The following OR2L3 variants were observed in gnomAD, a reference collection of about 807,000 sequenced individuals.
OR2L3 encodes olfactory receptor 2L3.
For synonymous variants in OR2L3, 131 were observed against 139.1 expected (o/e 0.94, Z 0.41); for missense variants, 369 against 376.6 (o/e 0.98, Z 0.17).
rs1383127028 is a variant in OR2L3 at position 248,061,720 on chromosome 1, A to G, written c.*100A>G. The G allele has an allele frequency of 3.6e-6, 4 of 1,124,422 alleles. No individual in the cohort carries two copies. In the African/African-American group the frequency reaches 6.3e-5, roughly 18 times the overall value. The allele number at this position is 1,124,422 out of a possible 1,614,324, so 69.7% of individuals were successfully genotyped here. A position where few individuals can be genotyped will look rare whatever the true frequency, so the allele number is the denominator to read the frequency against. On this transcript the variant is annotated 3_prime_UTR_variant, in exon 2 of 2. Transcript: ENST00000359959. ...TCAATCCTAGAGTTCAGGAGCTAAA[A>G]GTAATCAAGGTAAGAGAAAAAAATC...
chr1:248,052,751 TTGTA>T (rs2103113920), intron 1 of OR2L3, among the ~76,000 whole-genome samples: 1 of 151,978 alleles, frequency 6.6e-6, no homozygotes, highest in South Asian at 2.1e-4. Flanking sequence ...AAAAATCAGA[TTGTA>T]TGAGTCTTTA....
rs751080638 is a variant in OR2L3 at position 248,061,529 on chromosome 1, T to C, written c.848T>C (p.Met283Thr). The C allele has an allele frequency of 6.2e-6, 10 of 1,613,724 alleles. 1 individual carries two copies. In the Admixed American group the frequency reaches 8.3e-5, roughly 13 times the overall value. Reference protein sequence around the residue: ...LAVFYTTLTPMLNPIIYSLRN... With the variant: ...LAVFYTTLTPTLNPIIYSLRN... The stretch of plus-strand genomic sequence containing the variant: ...GTCTTCTACACCACCCTCACTCCAA[T>C]GCTCAACCCCATCATCTATAGCCTG... Residue 283 changes from methionine (M) to threonine (T), a missense_variant, in exon 2 of 2, where the codon ATG becomes ACG. Transcript: ENST00000359959.
intron 1 of OR2L3, among the ~76,000 whole-genome samples, chr1:248,053,505 T>C (rs1260914125): frequency 6.6e-6 from 1 of 152,216 alleles, no homozygotes; most frequent in East Asian, 1.9e-4. Context: ...GTATTTCCAG[T>C]TCTAAGTCTT....
intron 1 of OR2L3, among the ~76,000 whole-genome samples, chr1:248,057,958 A>C (rs932955430): frequency 6.6e-6 from 1 of 152,112 alleles, no homozygotes; most frequent in Non-Finnish European, 1.5e-5. Flanking sequence ...GATAATTTTT[A>C]TTTCTTTTCT....
intron 1 of OR2L3, chr1:248,051,109 A>G (rs1246717464): frequency 1.3e-5 from 2 of 152,160 alleles, no homozygotes; most frequent in African/African-American, 2.4e-5. Context: ...CTGTCTCCAA[A>G]ACAATTTCAT....
intron 1 of OR2L3, among the ~76,000 whole-genome samples, chr1:248,053,102 C>T (rs202176602): frequency 1.3e-5 from 2 of 152,066 alleles, no homozygotes; most frequent in African/African-American, 2.4e-5. Flanking sequence ...AATGCTCTCC[C>T]CTCCACCGCC....
chr1:248,048,924 T>TCTC (rs937474674), intron 1 of OR2L3, among the ~76,000 whole-genome samples: 11 of 85,396 alleles, frequency 1.3e-4, no homozygotes, highest in African/African-American at 7.7e-4. Context: ...TCTCTCTCTC[T>TCTC]TTTTTTTTTT....
chr1:248,055,217 T>C (rs1422264877), intron 1 of OR2L3, among the ~76,000 whole-genome samples: 1 of 152,180 alleles, frequency 6.6e-6, no homozygotes, highest in Non-Finnish European at 1.5e-5. Flanking sequence ...TTGTCTTTAG[T>C]TCTGTTTATG....
At chr1:248,051,383 G>T (rs1389403977) in intron 1 of OR2L3, 1 of 152,086 alleles carries the variant, frequency 6.6e-6, no homozygotes, top group Non-Finnish European at 1.5e-5. Flanking sequence ...TATTTATATT[G>T]ATTTCTTTGT....
intron 1 of OR2L3, among the ~76,000 whole-genome samples, chr1:248,053,912 G>T (rs1663352820): frequency 1.3e-5 from 2 of 152,144 alleles, no homozygotes; most frequent in Admixed American, 6.5e-5. Context: ...TAGGTTATCT[G>T]TTCATTCTGG....
intron 1 of OR2L3, among the ~76,000 whole-genome samples, chr1:248,056,620 C>A (rs1663440494): frequency 6.7e-6 from 1 of 149,446 alleles, no homozygotes; most frequent in South Asian, 2.1e-4. Context: ...AGACAGGAGT[C>A]ATTCAGGAGC....
At chr1:248,056,606 AT>A (rs894722957) in intron 1 of OR2L3, among the ~76,000 whole-genome samples, 3 of 149,624 alleles carry the variant, frequency 2.0e-5, no homozygotes, top group African/African-American at 7.4e-5. Context: ...TAATTTTATT[AT>A]TTAGACAGGA....
At chr1:248,059,777 G>A (rs1268528130) in intron 1 of OR2L3, among the ~76,000 whole-genome samples, 1 of 152,190 alleles carries the variant, frequency 6.6e-6, no homozygotes, top group East Asian at 1.9e-4. Context: ...GGGTGGGGAA[G>A]CTCATGACTG....
At chr1:248,060,040 CAAAA>C (rs111730226) in intron 1 of OR2L3, among the ~76,000 whole-genome samples, 1 of 129,050 alleles carries the variant, frequency 7.7e-6, no homozygotes, top group Admixed American at 8.3e-5. Flanking sequence ...CCCTGTCACT[CAAAA>C]AAAAAAAAAG....
Position 248,061,880 on chromosome 1 carries a change from T to G in OR2L3, c.*260T>G, listed in dbSNP as rs181545377. The stretch of plus-strand genomic sequence containing the variant: ...AATATGTTGTCAATGAGAATTTTTG[T>G]TTTTGGTCATGCAGAAATAGAAATG... On this transcript the variant is annotated 3_prime_UTR_variant, in exon 2 of 2. Coordinates refer to ENST00000359959, the MANE Select transcript of OR2L3 (RefSeq NM_001004687.2). The G allele has an allele frequency of 1.9e-3, 569 of 302,368 alleles. 2 individuals carry two copies. Among genetic ancestry groups the G allele is most frequent in the African/African-American group, 0.012 (539 of 46,258 alleles). 18.7% of individuals were successfully genotyped at this position (302,368 alleles called of 1,614,324 possible). A position where few individuals can be genotyped will look rare whatever the true frequency, so the allele number is the denominator to read the frequency against.
chr1:248,054,295 C>T (rs558143579), intron 1 of OR2L3, among the ~76,000 whole-genome samples: 1 of 152,018 alleles, frequency 6.6e-6, no homozygotes, highest in Non-Finnish European at 1.5e-5. Flanking sequence ...TCTGAGTTTT[C>T]TATTCTGTTC....
Position 248,061,231 on chromosome 1 carries a change from G to T in OR2L3, c.550G>T (p.Val184Leu). The T allele has an allele frequency of 6.2e-7, 1 of 1,611,182 alleles. No homozygotes were observed. The highest frequency in any genetic ancestry group is 8.5e-7 in the Non-Finnish European group (1 of 1,179,412). ...TTTCTTCTGTGATGTCCCAGCAATG[G>T]TGACTCTGGCCTGCATGGACACCTG... is the stretch of plus-strand genomic sequence containing the variant. ...NHFFCDVPAMVTLACMDTWVY... is the reference protein window; with the variant it reads ...NHFFCDVPAMLTLACMDTWVY... Residue 184 changes from valine (V) to leucine (L), a missense_variant, in exon 2 of 2, where the codon GTG becomes TTG. Val to Leu is a conservative substitution (Grantham distance 32, BLOSUM62 1). Transcript: ENST00000359959.
chr1:248,052,433 A>C (rs757658081), intron 1 of OR2L3, among the ~76,000 whole-genome samples: 2 of 152,176 alleles, frequency 1.3e-5, no homozygotes, highest in Non-Finnish European at 2.9e-5. Context: ...AAGTTTTAAA[A>C]TCAGAAAGTA....
intron 1 of OR2L3, among the ~76,000 whole-genome samples, chr1:248,052,661 G>A (rs902930453): frequency 3.3e-5 from 5 of 152,080 alleles, no homozygotes; most frequent in African/African-American, 1.2e-4. Context: ...AATCTGGGAG[G>A]TGGAGCTTGT....
Sources: allele counts gnomAD v4.1 joint callset (sites outside exome capture counted in the v4.1 genomes callset), GRCh38; gene constraint gnomAD v4.1.1; transcripts MANE v1.5; gene names NCBI Gene and HGNC (gene_info 2026-07-23, HGNC 2026-07-21).